Variants in F13A1 observed in about 807,000 individuals in gnomAD.
F13A1 encodes FSF, A subunit.
F13A1 carries 47 observed loss-of-function variants against 80.1 expected under a neutral mutation model. The observed-to-expected ratio is 0.59, with a 90% CI of 0.46 to 0.75. F13A1 has a LOEUF of 0.75. F13A1 is among the 30% of genes least tolerant of loss of function. The pLI is 0.00. For synonymous variants in F13A1, 349 were observed against 344.9 expected (o/e 1.01, Z -0.13); for missense variants, 817 against 930.4 (o/e 0.88, Z 1.59).
At chr6:6,259,630 G>T (rs1172050805) in intron 4 of F13A1, among the ~76,000 whole-genome samples, 1 of 152,192 alleles carries the variant, frequency 6.6e-6, no homozygotes, top group Non-Finnish European at 1.5e-5. Context: ...AGATGGTAAG[G>T]TCTGAGATTA....
At chr6:6,295,542 T>A (rs1758310979) in intron 3 of F13A1, among the ~76,000 whole-genome samples, 7 of 146,824 alleles carry the variant, frequency 4.8e-5, no homozygotes. Context: ...ATAAATGTCT[T>A]CTTTTGAGAA....
At chr6:6,203,562 C>A (rs1019709960) in intron 8 of F13A1, among the ~76,000 whole-genome samples, 1 of 152,196 alleles carries the variant, frequency 6.6e-6, no homozygotes, top group East Asian at 1.9e-4. Context: ...GAACTGAATT[C>A]TTTCAAGAAC....
At chr6:6,242,525 G>GT (rs1043730934) in intron 6 of F13A1, among the ~76,000 whole-genome samples, 2 of 152,168 alleles carry the variant, frequency 1.3e-5, no homozygotes, top group East Asian at 1.9e-4. Context: ...CTATATTGAC[G>GT]TTTTTTTCTC....
At chr6:6,222,005 A>G (rs1165935734) in intron 8 of F13A1, 28 bp downstream of exon 8, 2 of 1,611,414 alleles carry the variant, frequency 1.2e-6, no homozygotes, top group African/African-American at 1.3e-5. Context: ...ATGTGACATC[A>G]GCCAATGCCA....
rs573991881 is a variant in F13A1, at chr6:6,237,583, G to A, written c.798+10729C>T. 1.1e-4 allele frequency among the ~76,000 whole-genome samples: 16 copies of A among 152,242 alleles called. 1 individual carries two copies. Among genetic ancestry groups the A allele is most frequent in the African/African-American group, 3.9e-4 (16 of 41,552 alleles). On this transcript the variant is annotated intron_variant, in intron 6 of 14. Transcript: ENST00000264870. ...CACTCAAACCTCTTCTTTACCTGGT[G>A]CCCTATTGATCCTTTAAAACTCAGC...
intron 8 of F13A1, among the ~76,000 whole-genome samples, chr6:6,208,758 GTTTTCTCTCTTATTCGCTCTCTTAT>G (rs1761541943): frequency 1.3e-5 from 2 of 151,956 alleles, no homozygotes; most frequent in Admixed American, 1.3e-4. Context: ...GATGATTTTA[GTTTTCTCTCTTATTCGCTCTCTTAT>G]TTTTCTCTCT....
chr6:6,198,469 C>T (rs1251863717), intron 8 of F13A1, among the ~76,000 whole-genome samples: 1 of 152,170 alleles, frequency 6.6e-6, no homozygotes, highest in Admixed American at 6.5e-5. Context: ...ATTTCAGGTT[C>T]AACTACCACG....
chr6:6,234,099 G>A (rs948870254), intron 6 of F13A1, among the ~76,000 whole-genome samples: 1 of 152,062 alleles, frequency 6.6e-6, no homozygotes, highest in Non-Finnish European at 1.5e-5. Context: ...GTCCTAGCCA[G>A]AGCAATAAGT....
intron 8 of F13A1, among the ~76,000 whole-genome samples, chr6:6,208,592 TTAGACACATCATA>T (rs1260817804): frequency 6.6e-6 from 1 of 152,178 alleles, no homozygotes; most frequent in Admixed American, 6.5e-5. Context: ...ATATCTACAC[TTAGACACATCATA>T]TTCAAACTGT....
At chr6:6,182,566 C>A (rs1761007710) in intron 10 of F13A1, among the ~76,000 whole-genome samples, 1 of 152,092 alleles carries the variant, frequency 6.6e-6, no homozygotes, top group Non-Finnish European at 1.5e-5. Context: ...AAACATTTTT[C>A]CCCTTTGAAA....
At chr6:6,227,332 C>T (rs1263492080) in intron 6 of F13A1, among the ~76,000 whole-genome samples, 1 of 152,234 alleles carries the variant, frequency 6.6e-6, no homozygotes, top group African/African-American at 2.4e-5. Context: ...TTATGAACCA[C>T]ACAGTTAATT....
At chr6:6,186,489 C>T (rs1185604432) in intron 10 of F13A1, among the ~76,000 whole-genome samples, 1 of 152,146 alleles carries the variant, frequency 6.6e-6, no homozygotes, top group African/African-American at 2.4e-5. Flanking sequence ...AATCCTTTCC[C>T]CATTGCTTGT....
At chr6:6,271,628 C>T (rs1436940422) in intron 3 of F13A1, among the ~76,000 whole-genome samples, 1 of 152,206 alleles carries the variant, frequency 6.6e-6, no homozygotes, top group African/African-American at 2.4e-5. Context: ...TAATTGCAGC[C>T]TTTGAAATTG....
intron 6 of F13A1, among the ~76,000 whole-genome samples, chr6:6,230,633 A>G (rs1368273527): frequency 5.3e-5 from 8 of 152,306 alleles, no homozygotes; most frequent in Non-Finnish European, 4.4e-5. Context: ...CAGGGAGCCA[A>G]CCAGCACAAA....
At position 6,313,279 on chromosome 6, in the gene F13A1, CCTTTT is replaced by C. The variant is rs1329805346; in HGVS notation, c.130+5251_130+5255del. The stretch of plus-strand genomic sequence containing the variant: ...AATGGAACAGCTCATTGCTAAGCCG[CCTTTT>C]TTTTTTTTTTTTTTTTAAATACGGT... On this transcript the variant is annotated intron_variant, in intron 2 of 14. Coordinates refer to ENST00000264870, the MANE Select transcript of F13A1 (RefSeq NM_000129.4). 1.0e-3 allele frequency among the ~76,000 whole-genome samples: 104 copies of C among 100,326 alleles called. 1 individual carries two copies. Among genetic ancestry groups the C allele is most frequent in the African/African-American group, 4.3e-3 (97 of 22,586 alleles). 65.8% of individuals were successfully genotyped at this position (100,326 alleles called of 152,430 possible). A position where few individuals can be genotyped will look rare whatever the true frequency, so the allele number is the denominator to read the frequency against.
intron 3 of F13A1, among the ~76,000 whole-genome samples, chr6:6,301,310 G>C (rs1298407401): frequency 6.6e-6 from 1 of 152,140 alleles, no homozygotes; most frequent in Non-Finnish European, 1.5e-5. Flanking sequence ...CCTCTACCAT[G>C]GGTCCTTCCA....
chr6:6,279,852 GA>G (rs1182684103), intron 3 of F13A1, among the ~76,000 whole-genome samples: 2 of 152,214 alleles, frequency 1.3e-5, no homozygotes, highest in African/African-American at 4.8e-5. Context: ...AAGTTTAGCT[GA>G]ATGTCTTCCA....
At position 6,197,294 on chromosome 6, in the gene F13A1, G is replaced by C; in HGVS notation, c.1145C>G (p.Thr382Arg). 2 of 1,614,222 alleles carry C rather than the reference G, an allele frequency of 1.2e-6. No individual in the cohort carries two copies. Among genetic ancestry groups the C allele is most frequent in the Non-Finnish European group, 1.7e-6 (2 of 1,180,038 alleles). ...AAATCCAACAGGAAGGTCAGGCCTTGTCATCCATGCTTCATTCCAGCAGTG... is the reference window on the plus strand; with the variant it reads ...AAATCCAACAGGAAGGTCAGGCCTTCTCATCCATGCTTCATTCCAGCAGTG... ...NYHCWNEAWM[T>R]RPDLPVGFGG... The change falls in exon 9 of 15, where the codon ACA (threonine) becomes AGA (arginine). Residue 382 changes from threonine (T) to arginine (R), a missense_variant. Transcript: ENST00000264870.
intron 4 of F13A1, among the ~76,000 whole-genome samples, chr6:6,256,573 T>G (rs1393312278): frequency 3.9e-5 from 6 of 152,102 alleles, no homozygotes. Flanking sequence ...ATGACCTCAT[T>G]TATTTTACTG....
Sources: gnomAD v4.1 joint callset for allele counts (sites outside exome capture counted in the v4.1 genomes callset) on GRCh38, gnomAD v4.1.1 for gene constraint, MANE v1.5 for transcripts, NCBI Gene and HGNC (gene_info 2026-07-23, HGNC 2026-07-21) for gene names.